The following CCSER1 variants were observed in gnomAD, a reference collection of about 807,000 sequenced individuals.
CCSER1 encodes coiled-coil serine rich protein 1, also known as serine-rich coiled-coil domain-containing protein 1.
CCSER1 carries 41 observed loss-of-function variants against 82.0 expected under a neutral mutation model. The ratio of observed to expected loss-of-function variants is 0.50; its 90% CI spans 0.39 to 0.65. The LOEUF is 0.65. Ranked by LOEUF, CCSER1 falls within the 30% of genes least tolerant of loss-of-function variation. The pLI is 0.00. For synonymous variants in CCSER1, 414 were observed against 383.9 expected (o/e 1.08, Z -0.92); for missense variants, 1,119 against 1,064.2 (o/e 1.05, Z -0.72).
intron 7 of CCSER1, among the ~76,000 whole-genome samples, chr4:90,773,101 A>G (rs547258609): frequency 3.3e-5 from 5 of 152,220 alleles, no homozygotes; most frequent in Admixed American, 6.5e-5. Context: ...TTAGCCAGGC[A>G]TGGTGGTGCA....
chr4:90,362,818 C>A (rs1745596641), intron 3 of CCSER1, among the ~76,000 whole-genome samples: 2 of 152,144 alleles, frequency 1.3e-5, no homozygotes. Context: ...TTACAATGAA[C>A]CAGGCTTCCT....
intron 1 of CCSER1, among the ~76,000 whole-genome samples, chr4:90,277,049 C>G (rs72879737): frequency 0.048 from 7,372 of 152,012 alleles, 473 homozygotes; most frequent in African/African-American, 0.15. Flanking sequence ...TCTGTGAAGA[C>G]AGATAGTTTG....
intron 3 of CCSER1, among the ~76,000 whole-genome samples, chr4:90,319,757 G>T (rs1180759554): frequency 2.6e-5 from 4 of 152,166 alleles, no homozygotes; most frequent in Admixed American, 6.5e-5. Flanking sequence ...GCTTTGGGGA[G>T]TTAAAATAAC....
At chr4:90,932,976 A>AAGAGAGAGAGAGAGAGAGAG (rs1491115193) in intron 9 of CCSER1, among the ~76,000 whole-genome samples, 1 of 38,690 alleles carries the variant, frequency 2.6e-5, no homozygotes, top group East Asian at 4.9e-4. Context: ...GAAAGAAAGA[A>AAGAGAGAGAGAGAGAGAGAG]AGAAAGAGAA....
chr4:90,517,945 T>C (rs1772517816), intron 5 of CCSER1, among the ~76,000 whole-genome samples: 1 of 152,184 alleles, frequency 6.6e-6, no homozygotes, highest in East Asian at 1.9e-4. Flanking sequence ...CTGTTACAAA[T>C]TATAAATACT....
intron 4 of CCSER1, among the ~76,000 whole-genome samples, chr4:90,402,963 A>G (rs893482855): frequency 3.3e-5 from 5 of 152,238 alleles, no homozygotes; most frequent in Admixed American, 2.6e-4. Context: ...TTCACAAGAT[A>G]AATGGTATTA....
chr4:90,469,092 T>C (rs1277084140), intron 5 of CCSER1, among the ~76,000 whole-genome samples: 1 of 152,124 alleles, frequency 6.6e-6, no homozygotes, highest in African/African-American at 2.4e-5. Context: ...TTAGGTGATA[T>C]AAGGGGCTGC....
intron 10 of CCSER1, among the ~76,000 whole-genome samples, chr4:91,485,979 T>C (rs1238602878): frequency 2.0e-5 from 3 of 151,950 alleles, no homozygotes; most frequent in Non-Finnish European, 4.4e-5. Flanking sequence ...TTCATGAAAA[T>C]TGGAACTTAA....
At chr4:91,089,989 A>C (rs1391276563) in intron 10 of CCSER1, among the ~76,000 whole-genome samples, 1 of 152,232 alleles carries the variant, frequency 6.6e-6, no homozygotes, top group Non-Finnish European at 1.5e-5. Flanking sequence ...GGGCAAGAAC[A>C]GTCAAGACTT....
intron 1 of CCSER1, among the ~76,000 whole-genome samples, chr4:90,207,560 C>T (rs942749740): frequency 6.6e-6 from 1 of 152,044 alleles, no homozygotes; most frequent in Non-Finnish European, 1.5e-5. Flanking sequence ...GTGATTCTTT[C>T]GAGGAGACAA....
chr4:91,296,449 TTATATATATATATATATGTATA>T (rs1170012124), intron 10 of CCSER1, among the ~76,000 whole-genome samples: 4 of 94,116 alleles, frequency 4.3e-5, no homozygotes, highest in African/African-American at 1.1e-4. Flanking sequence ...GTGTCTAACA[TTATATATATATATATATGTATA>T]TATATATATA....
intron 1 of CCSER1, among the ~76,000 whole-genome samples, chr4:90,297,988 T>A (rs1732318686): frequency 6.6e-6 from 1 of 152,188 alleles, no homozygotes; most frequent in African/African-American, 2.4e-5. Flanking sequence ...GGCTTTGGTG[T>A]CAGGATGATG....
At chr4:91,100,070 G>A (rs1489011652) in intron 10 of CCSER1, among the ~76,000 whole-genome samples, 2 of 152,046 alleles carry the variant, frequency 1.3e-5, no homozygotes, top group Non-Finnish European at 2.9e-5. Flanking sequence ...GTAATGTTAT[G>A]CCAGAGTCAG....
intron 7 of CCSER1, among the ~76,000 whole-genome samples, chr4:90,793,957 T>C (rs1755629690): frequency 6.6e-6 from 1 of 152,244 alleles, no homozygotes; most frequent in African/African-American, 2.4e-5. Flanking sequence ...GCTGAATGTA[T>C]GTCTTCTTTT....
In CCSER1 at chr4:90,308,624, A is replaced by G; in HGVS notation, c.340A>G (p.Arg114Gly). The change falls in exon 2 of 11, where the codon AGA becomes GGA. Residue 114 changes from arginine (R) to glycine (G), a missense_variant. Physicochemically the swap from Arg to Gly is moderately radical, Grantham distance 125. Coordinates refer to ENST00000509176, the MANE Select transcript of CCSER1 (RefSeq NM_001145065.2). ...SLEEHIKTRG[R>G]HSVGFSSSRN... Reference sequence around the variant, plus strand: ...GGAAGAACATATTAAGACCAGGGGAAGACATTCTGTTGGTTTTAGTAGTTC... The same window carrying G: ...GGAAGAACATATTAAGACCAGGGGAGGACATTCTGTTGGTTTTAGTAGTTC... 6.2e-7 allele frequency: 1 copy of G among 1,613,878 alleles called. No homozygotes were observed. The highest frequency in any genetic ancestry group is 1.1e-5 in the South Asian group (1 of 91,086).
chr4:90,366,075 C>T (rs1195845740), intron 3 of CCSER1, among the ~76,000 whole-genome samples: 2 of 151,698 alleles, frequency 1.3e-5, no homozygotes, highest in Non-Finnish European at 3.0e-5. Flanking sequence ...TGATTGAAAC[C>T]TTGGTTACCA....
intron 10 of CCSER1, among the ~76,000 whole-genome samples, chr4:91,205,028 A>G (rs904232156): frequency 3.0e-4 from 46 of 151,748 alleles, no homozygotes; most frequent in African/African-American, 1.1e-3. Flanking sequence ...ACACAGATAA[A>G]TTAAAACAAT....
At chr4:90,435,307 T>C (rs554427809) in intron 4 of CCSER1, among the ~76,000 whole-genome samples, 1 of 152,106 alleles carries the variant, frequency 6.6e-6, no homozygotes, top group Admixed American at 6.6e-5. Context: ...TATTTGTAAA[T>C]ATTTCATATT....
chr4:90,411,525 C>T (rs1257984212), intron 4 of CCSER1, among the ~76,000 whole-genome samples: 2 of 152,208 alleles, frequency 1.3e-5, no homozygotes, highest in Non-Finnish European at 2.9e-5. Context: ...ACAAAAACCA[C>T]ATGATTATCT....
Sources: allele counts gnomAD v4.1 joint callset (sites outside exome capture counted in the v4.1 genomes callset), GRCh38; gene constraint gnomAD v4.1.1; transcripts MANE v1.5; gene names NCBI Gene and HGNC (gene_info 2026-07-23, HGNC 2026-07-21).